The following PIK3C2B variants were observed in gnomAD, a reference collection of about 807,000 sequenced individuals.
PIK3C2B encodes phosphatidylinositol-4-phosphate 3-kinase catalytic subunit type 2 beta, also known as phosphatidylinositol 4-phosphate 3-kinase C2 domain-containing subunit beta.
Under a neutral mutation model 184.3 loss-of-function variants are expected in PIK3C2B, and 83 were observed. The observed-to-expected ratio is 0.45, with a 90% confidence interval of 0.38 to 0.54. The LOEUF (loss-of-function observed/expected upper bound fraction) is 0.54, where lower values mean the gene tolerates loss of function less well. Ranked by LOEUF, PIK3C2B falls within the 20% of genes least tolerant of loss-of-function variation. PIK3C2B has a pLI of 0.00. For synonymous variants in PIK3C2B, 779 were observed against 837.6 expected (o/e 0.93, Z 1.21); for missense variants, 1,736 against 2,113.5 (o/e 0.82, Z 3.50).
intron 10 of PIK3C2B, 112 bp downstream of exon 10, chr1:204,456,925 C>A: frequency 5.2e-6 from 4 of 771,236 alleles, no homozygotes; most frequent in Middle Eastern, 3.7e-4. Context: ...CACACACACA[C>A]CAGCCGAACT....
At chr1:204,488,029 C>T (rs1345617721) in intron 1 of PIK3C2B, among the ~76,000 whole-genome samples, 4 of 152,220 alleles carry the variant, frequency 2.6e-5, no homozygotes, top group Non-Finnish European at 5.9e-5. Context: ...CATTAATTAA[C>T]TCATTTCATT....
chr1:204,438,960 TTG>T lies in PIK3C2B; in HGVS notation c.3489_3490del (p.His1163GlnfsTer8). Reference sequence around the variant, plus strand: ...CTTCTCATACTCGTCCTCCCCAGGGTTGTGTTTCTGCAGCCAGTCTGCCAGGG... The same window carrying T: ...CTTCTCATACTCGTCCTCCCCAGGGTTGTTTCTGCAGCCAGTCTGCCAGGG... On this transcript the variant is annotated frameshift_variant, in exon 23 of 33. Coordinates refer to ENST00000684373, the MANE Select transcript of PIK3C2B (RefSeq NM_001377334.1). LOFTEE classifies it high-confidence loss of function. 6.2e-7 allele frequency: 1 copy of T among 1,613,816 alleles called. No homozygotes were observed. The highest frequency in any genetic ancestry group is 8.5e-7 in the Non-Finnish European group (1 of 1,179,978).
Position 204,439,898 on chromosome 1 carries a change from G to A in PIK3C2B, c.3379+294C>T, listed in dbSNP as rs140154534. Among the ~76,000 whole-genome samples, 9 of 152,306 alleles carry A rather than the reference G, an allele frequency of 5.9e-5. No individual in the cohort carries two copies. In the East Asian group the frequency reaches 1.5e-3, roughly 26 times the overall value. The stretch of plus-strand genomic sequence containing the variant: ...CCATCTCAGCTTCACAAAGTGCTGG[G>A]ATTACAGGCATGAGCTAGCATGTCT... On this transcript the variant is annotated intron_variant, in intron 22 of 32. Coordinates refer to ENST00000684373, the MANE Select transcript of PIK3C2B (RefSeq NM_001377334.1).
At chr1:204,428,092 G>C in intron 30 of PIK3C2B, 47 bp downstream of exon 30, 2 of 1,088,734 alleles carry the variant, frequency 1.8e-6, no homozygotes, top group South Asian at 2.5e-5. Context: ...TTACCCTTGG[G>C]GTAGTTCAGA....
intron 28 of PIK3C2B, 185 bp downstream of exon 28, chr1:204,431,484 G>A (rs928885846): frequency 2.7e-5 from 18 of 660,696 alleles, no homozygotes; most frequent in Non-Finnish European, 4.2e-5. Flanking sequence ...GAGCTCTTGC[G>A]TGCAAGGAGA....
At chr1:204,430,224 C>G (rs1455508854) in intron 28 of PIK3C2B, among the ~76,000 whole-genome samples, 186 bp from the exon 29 acceptor site, 1 of 152,184 alleles carries the variant, frequency 6.6e-6, no homozygotes, top group African/African-American at 2.4e-5. Flanking sequence ...GGTCTGACAC[C>G]TGCTCAGCAT....
Position 204,433,338 on chromosome 1 carries a change from T to C in PIK3C2B, c.3931A>G (p.Asn1311Asp), listed in dbSNP as rs1184088462. Residue 1311 changes from asparagine (N) to aspartate (D), a missense_variant, in exon 26 of 33, where the codon AAT becomes GAT. Coordinates refer to ENST00000684373, the MANE Select transcript of PIK3C2B (RefSeq NM_001377334.1). This position sits in a 1 kb window ranked among gnomAD's most constrained non-coding sequence, Gnocchi z 5.0. Reference protein sequence around the residue: ...DALRPQDTEANATTYFTRLIE... With the variant: ...DALRPQDTEADATTYFTRLIE... Reference sequence around the variant, plus strand: ...TACCTAGTGAAGTAGGTAGTGGCATTGGCCTCTGTATCCTGAGGCCTCAGG... The same window carrying C: ...TACCTAGTGAAGTAGGTAGTGGCATCGGCCTCTGTATCCTGAGGCCTCAGG... 4 of 1,595,970 alleles carry C rather than the reference T, an allele frequency of 2.5e-6. No individual in the cohort carries two copies. The highest frequency in any genetic ancestry group is 3.4e-6 in the Non-Finnish European group (4 of 1,163,556).
At chr1:204,443,027 C>T (rs1675757615) in intron 19 of PIK3C2B, among the ~76,000 whole-genome samples, 1 of 152,200 alleles carries the variant, frequency 6.6e-6, no homozygotes, top group Non-Finnish European at 1.5e-5. Flanking sequence ...ACAATGTCTT[C>T]GTACAAACAG....
At position 204,456,903 on chromosome 1, in the gene PIK3C2B, CA is replaced by C. The variant is rs1572346682; in HGVS notation, c.1747+133del. 438 of 160,732 alleles carry C rather than the reference CA, an allele frequency of 2.7e-3. 18 individuals carry two copies. Among genetic ancestry groups the C allele is most frequent in the Non-Finnish European group, 5.0e-3 (351 of 70,486 alleles). 10.0% of individuals were successfully genotyped at this position (160,732 alleles called of 1,614,324 possible). Reference sequence around the variant, plus strand: ...ACACACACACACACACACACACACACACACCCACACACACACACACACCAGC... The same window carrying C: ...ACACACACACACACACACACACACACCACCCACACACACACACACACCAGC... On this transcript the variant is annotated intron_variant, in intron 10 of 32. Transcript: ENST00000684373.
intron 3 of PIK3C2B, 122 bp downstream of exon 3, chr1:204,465,095 AGC>A: frequency 1.5e-6 from 1 of 680,004 alleles, no homozygotes; most frequent in Non-Finnish European, 2.7e-6. Flanking sequence ...GCATTTTCAT[AGC>A]TATGAACTGA....
At chr1:204,460,471 T>C in intron 6 of PIK3C2B, 68 bp from the exon 7 acceptor site, 1 of 1,534,960 alleles carries the variant, frequency 6.5e-7, no homozygotes, top group Non-Finnish European at 9.0e-7. Flanking sequence ...CCTACCCCCC[T>C]CCCACCTGAT....
chr1:204,456,672 G>A (rs1176137972), intron 10 of PIK3C2B, among the ~76,000 whole-genome samples: 2 of 151,996 alleles, frequency 1.3e-5, no homozygotes, highest in East Asian at 1.9e-4. Context: ...TGAGCTGTTG[G>A]GAGAATAATC....
chr1:204,452,935 C>T (rs1266496946), intron 12 of PIK3C2B, among the ~76,000 whole-genome samples: 1 of 152,068 alleles, frequency 6.6e-6, no homozygotes, highest in Admixed American at 6.5e-5. Context: ...GGTGAGACTA[C>T]AGGTGTGAGC....
At chr1:204,432,904 T>C (rs1675143502) in intron 26 of PIK3C2B, among the ~76,000 whole-genome samples, 2 of 152,326 alleles carry the variant, frequency 1.3e-5, no homozygotes, top group South Asian at 2.1e-4. Context: ...TCACACACAG[T>C]GTACCTAAAA....
intron 10 of PIK3C2B, 52 bp from the exon 11 acceptor site, chr1:204,456,103 A>G (rs1174546339): frequency 1.4e-6 from 2 of 1,479,294 alleles, no homozygotes; most frequent in Non-Finnish European, 1.9e-6. Flanking sequence ...CACAAGCCCT[A>G]CCTTGTTGCC....
intron 1 of PIK3C2B, among the ~76,000 whole-genome samples, chr1:204,477,474 T>C (rs1656800717): frequency 6.6e-6 from 1 of 152,110 alleles, no homozygotes; most frequent in South Asian, 2.1e-4. Flanking sequence ...CCAAACTCAG[T>C]CTCACAGCTG....
chr1:204,447,354 C>T lies in PIK3C2B; in HGVS notation c.2489+82G>A. On this transcript the variant is annotated intron_variant, in intron 15 of 32. Transcript: ENST00000684373. This position sits in a 1 kb window ranked among gnomAD's most constrained non-coding sequence, Gnocchi z 4.1. ...GGCAATGCCCACCCCTTCCCACCTC[C>T]ACTCCCAAAGCAGGAGGACGGAGAC... 7.2e-7 allele frequency: 1 copy of T among 1,393,026 alleles called. No individual in the cohort carries two copies. The highest frequency in any genetic ancestry group is 1.8e-5 in the Admixed American group (1 of 54,794). The allele number at this position is 1,393,026 out of a possible 1,614,324, so 86.3% of individuals were successfully genotyped here. A position where few individuals can be genotyped will look rare whatever the true frequency, so the allele number is the denominator to read the frequency against.
rs1653960701 is a variant in PIK3C2B, at chr1:204,447,326, G to T, written c.2489+110C>A. The T allele has an allele frequency of 1.9e-6, 2 of 1,055,308 alleles. No individual in the cohort carries two copies. The highest frequency in any genetic ancestry group is 2.2e-5 in the Admixed American group (1 of 46,384). 65.4% of individuals were successfully genotyped at this position (1,055,308 alleles called of 1,614,324 possible). On this transcript the variant is annotated intron_variant, in intron 15 of 32. Transcript: ENST00000684373. This position sits in a 1 kb window ranked among gnomAD's most constrained non-coding sequence, Gnocchi z 4.1. ...GGGGGCTGCCTCCACTTCCTGCTGA[G>T]ATGGCAATGCCCACCCCTTCCCACC...
intron 16 of PIK3C2B, 53 bp downstream of exon 16, chr1:204,445,903 G>T: frequency 7.7e-7 from 1 of 1,293,396 alleles, no homozygotes; most frequent in South Asian, 1.8e-5. Context: ...GCAGTGTCGT[G>T]CCCTGGCTTC....
Sources: allele counts gnomAD v4.1 joint callset (sites outside exome capture counted in the v4.1 genomes callset), GRCh38; gene constraint gnomAD v4.1.1; non-coding constraint Gnocchi (gnomAD v3.1); transcripts MANE v1.5; gene names NCBI Gene and HGNC (gene_info 2026-07-23, HGNC 2026-07-21).